The following STEAP1 variants were observed in gnomAD, a reference collection of about 807,000 sequenced individuals.
The protein encoded by STEAP1 is STEAP1 protein.
A neutral mutation model predicts 34.4 loss-of-function variants in STEAP1; 30 were observed. The ratio of observed to expected loss-of-function variants is 0.87; its 90% CI spans 0.65 to 1.18. The LOEUF (loss-of-function observed/expected upper bound fraction) is 1.18. STEAP1 is among the 50% of genes most tolerant of loss of function. STEAP1 has a pLI of 0.00. For missense variants in STEAP1, 318 were observed against 391.1 expected, an observed-to-expected ratio of 0.81 and a Z score of 1.58; for synonymous variants, 116 against 135.3, an observed-to-expected ratio of 0.86 and a Z score of 0.99.
intron 1 of STEAP1, among the ~76,000 whole-genome samples, chr7:90,157,965 T>A (rs952600925): frequency 1.7e-4 from 26 of 152,208 alleles, no homozygotes; most frequent in Admixed American, 1.6e-3. Context: ...GATGGTATAG[T>A]CTATTGCTCC....
rs562459272 is a variant in STEAP1 at position 90,159,805 on chromosome 7, A to C, written c.17A>C (p.Asp6Ala). The C allele has an allele frequency of 1.9e-6, 3 of 1,562,720 alleles. No individual in the cohort carries two copies. Among genetic ancestry groups the C allele is most frequent in the Non-Finnish European group, 2.6e-6 (3 of 1,157,130 alleles). MESRK[D>A]ITNQEELWKM... ...ATAGAATTAATGGAAAGCAGAAAAGACATCACAAACCAAGAAGAACTTTGG... is the reference window on the plus strand; with the variant it reads ...ATAGAATTAATGGAAAGCAGAAAAGCCATCACAAACCAAGAAGAACTTTGG... Residue 6 changes from aspartate to alanine, a missense_variant, in exon 2 of 5, where the codon GAC (aspartate) becomes GCC (alanine). Asp to Ala is a moderately radical substitution (Grantham distance 126). Transcript: ENST00000297205.
At chr7:90,163,580 C>G (rs1458259674) in intron 4 of STEAP1, among the ~76,000 whole-genome samples, 1 of 152,164 alleles carries the variant, frequency 6.6e-6, no homozygotes, top group East Asian at 1.9e-4. Context: ...TATGAAAACG[C>G]AAACTTAGCT....
chr7:90,159,067 T>TA (rs1233349658), intron 1 of STEAP1, among the ~76,000 whole-genome samples: 1 of 152,188 alleles, frequency 6.6e-6, no homozygotes, highest in Non-Finnish European at 1.5e-5. Flanking sequence ...TTTCTTTCCC[T>TA]AAAAAATGTT....
chr7:90,162,942 CA>C (rs1794205796), intron 4 of STEAP1: 1 of 328,580 alleles, frequency 3.0e-6, no homozygotes, highest in Non-Finnish European at 7.1e-6. Flanking sequence ...AAAAATATCT[CA>C]GATTTACTGA....
chr7:90,160,381 G>C (rs986331074), intron 2 of STEAP1, among the ~76,000 whole-genome samples: 1 of 151,996 alleles, frequency 6.6e-6, no homozygotes, highest in Non-Finnish European at 1.5e-5. Flanking sequence ...ACAGGATTAA[G>C]TGTTTCTTAC....
chr7:90,164,239 C>G (rs576573146), intron 4 of STEAP1, among the ~76,000 whole-genome samples: 1 of 151,994 alleles, frequency 6.6e-6, no homozygotes, highest in Non-Finnish European at 1.5e-5. Context: ...CACCTGCCTT[C>G]AAAGAAAGGC....
At position 90,161,261 on chromosome 7, in the gene STEAP1, T is replaced by A. The variant is rs200282338; in HGVS notation, c.541T>A (p.Ser181Thr). ...TGTACTGCATGCAATTTATAGTCTG[T>A]CTTACCCAATGAGGCGATCCTACAG... ...FAVLHAIYSLSYPMRRSYRYK... is the reference protein window; with the variant it reads ...FAVLHAIYSLTYPMRRSYRYK... The change falls in exon 3 of 5, where the codon TCT becomes ACT. Residue 181 changes from serine to threonine, a missense_variant. Transcript: ENST00000297205. 201 of 1,614,048 alleles carry A rather than the reference T, an allele frequency of 1.2e-4. No individual in the cohort carries two copies. Among genetic ancestry groups the A allele is most frequent in the South Asian group, 9.9e-5 (9 of 91,076 alleles).
intron 1 of STEAP1, among the ~76,000 whole-genome samples, chr7:90,157,553 A>T (rs1041175152): frequency 6.6e-6 from 1 of 152,212 alleles, no homozygotes; most frequent in Non-Finnish European, 1.5e-5. Context: ...TGACCAGGGA[A>T]TGAGCGTTAC....
chr7:90,160,561 AAAT>A (rs1348241637), intron 2 of STEAP1, among the ~76,000 whole-genome samples: 1 of 150,444 alleles, frequency 6.6e-6, no homozygotes, highest in Non-Finnish European at 1.5e-5. Flanking sequence ...GCATAAAATG[AAAT>A]AATTTCATTT....
At chr7:90,159,912 A>G (rs769797145) in intron 2 of STEAP1, 40 bp downstream of exon 2, 5 of 1,321,422 alleles carry the variant, frequency 3.8e-6, no homozygotes, top group South Asian at 1.6e-5. Context: ...AATAATTTAC[A>G]TCTTTAAACA....
chr7:90,161,727 A>T (rs1294155464), intron 3 of STEAP1, among the ~76,000 whole-genome samples, 187 bp from the exon 4 acceptor site: 1 of 152,124 alleles, frequency 6.6e-6, no homozygotes. Context: ...CATTCAAGAA[A>T]AAAAGTGATA....
Position 90,160,892 on chromosome 7 carries a change from C to G in STEAP1, c.172C>G (p.Pro58Ala). The G allele has an allele frequency of 6.2e-7, 1 of 1,613,990 alleles. No homozygotes were observed. The change falls in exon 3 of 5, where the codon CCT becomes GCT. Residue 58 changes from proline to alanine, a missense_variant. Pro to Ala is a conservative substitution (Grantham distance 27). Coordinates refer to ENST00000297205, the MANE Select transcript of STEAP1 (RefSeq NM_012449.3). ...QTAHADEFDC[P>A]SELQHTQELF... is the part of the protein sequence containing the mutation. ...AGCCCATGCTGATGAATTTGACTGC[C>G]CTTCAGAACTTCAGCACACACAGGA... is the stretch of plus-strand genomic sequence containing the variant.
intron 4 of STEAP1, chr7:90,163,151 A>G (rs12113367): frequency 0.035 from 9,232 of 261,042 alleles, 477 homozygotes; most frequent in South Asian, 0.11. Flanking sequence ...GTCCACACGT[A>G]TACTCCAACA....
At position 90,156,256 on chromosome 7, in the gene STEAP1, C is replaced by T. The variant is rs145830159; in HGVS notation, c.-32+1713C>T. On this transcript the variant is annotated intron_variant, in intron 1 of 4. Transcript: ENST00000297205. ...CACTTCCATTCCTAGCACCTCCCTC[C>T]CCCACCCCACAAACTATTATGTTGG... Among the ~76,000 whole-genome samples the T allele has an allele frequency of 1.0e-2, 1,521 of 152,268 alleles. 15 individuals are homozygous for T. The highest frequency in any genetic ancestry group is 0.015 in the Non-Finnish European group (1,043 of 68,008).
rs933406744 is a variant in STEAP1 at position 90,159,716 on chromosome 7, T to G, written c.-31-42T>G. The G allele has an allele frequency of 2.5e-5, 28 of 1,123,584 alleles. 1 individual carries two copies. In the African/African-American group the frequency reaches 3.4e-4, roughly 14 times the overall value. The allele number at this position is 1,123,584 out of a possible 1,614,324, so 69.6% of individuals were successfully genotyped here. A position where few individuals can be genotyped will look rare whatever the true frequency, so the allele number is the denominator to read the frequency against. On this transcript the variant is annotated intron_variant, in intron 1 of 4. Transcript: ENST00000297205. ...ATTGTTACATCAAACATTCACATCATAAGTAGAATGGACATGAAAGTAATT... is the reference window on the plus strand; with the variant it reads ...ATTGTTACATCAAACATTCACATCAGAAGTAGAATGGACATGAAAGTAATT...
Position 90,156,812 on chromosome 7 carries a change from C to T in STEAP1, c.-32+2269C>T, listed in dbSNP as rs901389503. 6.6e-5 allele frequency among the ~76,000 whole-genome samples: 10 copies of T among 152,174 alleles called. No individual in the cohort carries two copies. The East Asian group carries it at 1.4e-3, about 21-fold the overall frequency. ...AGACGCCTGCTCCCACTTCACCTTC[C>T]GCCATGACTATAAGCCCTCTGAGCC... On this transcript the variant is annotated intron_variant, in intron 1 of 4. Coordinates refer to ENST00000297205, the MANE Select transcript of STEAP1 (RefSeq NM_012449.3).
Position 90,160,927 on chromosome 7 carries a change from A to G in STEAP1, c.207A>G (p.Pro69=). 1 of 1,614,054 alleles carries G rather than the reference A, an allele frequency of 6.2e-7. No homozygotes were observed. The highest frequency in any genetic ancestry group is 8.5e-7 in the Non-Finnish European group (1 of 1,179,878). Reference sequence around the variant, plus strand: ...TTCAGCACACACAGGAACTCTTTCCACAGTGGCACTTGCCAATTAAAATAG... The same window carrying G: ...TTCAGCACACACAGGAACTCTTTCCGCAGTGGCACTTGCCAATTAAAATAG... The part of the protein sequence containing the change: ...SELQHTQELF[P]QWHLPIKIAA... The change falls in exon 3 of 5, where the codon CCA becomes CCG. Residue 69 remains proline, a synonymous_variant. Transcript: ENST00000297205.
At chr7:90,159,951 G>C (rs574435754) in intron 2 of STEAP1, 79 bp downstream of exon 2, 1 of 1,041,470 alleles carries the variant, frequency 9.6e-7, no homozygotes, top group African/African-American at 1.7e-5. Context: ...GTATCTCCTA[G>C]TGTTATGAAA....
intron 1 of STEAP1, among the ~76,000 whole-genome samples, chr7:90,155,734 G>C (rs745638938): frequency 1.3e-5 from 2 of 152,152 alleles, no homozygotes; most frequent in Non-Finnish European, 2.9e-5. Context: ...CTTCCTCACT[G>C]TCATGGGCTT....
Sources: gnomAD v4.1 joint callset for allele counts (sites outside exome capture counted in the v4.1 genomes callset) on GRCh38, gnomAD v4.1.1 for gene constraint, MANE v1.5 for transcripts, NCBI Gene and HGNC (gene_info 2026-07-23, HGNC 2026-07-21) for gene names.